TMEM94: variants seen among roughly 807,000 people sequenced by gnomAD.
TMEM94 encodes transmembrane protein 94.
A neutral mutation model predicts 158.6 loss-of-function variants in TMEM94; 81 were observed. The observed-to-expected ratio is 0.51, with a 90% CI of 0.43 to 0.61. The LOEUF is 0.61. TMEM94 is among the 20% of genes least tolerant of loss of function. TMEM94 has a pLI of 0.00. For missense variants in TMEM94, 1,435 were observed against 1,762.0 expected, an observed-to-expected ratio of 0.81 and a Z score of 3.32; for synonymous variants, 751 against 730.7, an observed-to-expected ratio of 1.03 and a Z score of -0.45.
intron 2 of TMEM94, 54 bp downstream of exon 2, chr17:75,471,983 C>A (rs2050518709): frequency 6.3e-7 from 1 of 1,584,548 alleles, no homozygotes; most frequent in South Asian, 1.1e-5. Context: ...CTGTTGAACT[C>A]TTTCCTACTT....
intron 26 of TMEM94, 100 bp downstream of exon 26, chr17:75,497,298 G>T: frequency 2.3e-6 from 2 of 885,662 alleles, no homozygotes; most frequent in Non-Finnish European, 3.7e-6. Context: ...AACTGCTCAG[G>T]TCTCACCTCC....
chr17:75,478,003 C>CTTTT lies in TMEM94; in HGVS notation c.24+6101_24+6104dup, dbSNP rs909668190. Among the ~76,000 whole-genome samples, 21 of 57,918 alleles carry CTTTT rather than the reference C, an allele frequency of 3.6e-4. 3 individuals carry two copies. The highest frequency in any genetic ancestry group is 1.0e-3 in the East Asian group (2 of 1,936). The allele number at this position is 57,918 out of a possible 152,430, so 38.0% of individuals were successfully genotyped here. A position where few individuals can be genotyped will look rare whatever the true frequency, so the allele number is the denominator to read the frequency against. ...CCTGGGCAACAAAGCGAGACTCCAT[C>CTTTT]TTTTTTTTTTTTTTTTTTTTTTTTT... is the stretch of plus-strand genomic sequence containing the variant. On this transcript the variant is annotated intron_variant, in intron 2 of 31. Coordinates refer to ENST00000314256, the MANE Select transcript of TMEM94 (RefSeq NM_014738.6).
intron 11 of TMEM94, 87 bp from the exon 12 acceptor site, chr17:75,490,962 G>T: frequency 8.7e-7 from 1 of 1,152,202 alleles, no homozygotes. Context: ...ACTTCGTGGT[G>T]CTCCCCTGGA....
At chr17:75,463,033 AAAAAATATATATATATATATATAT>A (rs2050139343) in intron 1 of TMEM94, among the ~76,000 whole-genome samples, 1 of 5,214 alleles carries the variant, frequency 1.9e-4, no homozygotes, top group Admixed American at 1.6e-3. Context: ...AAAAAAAAAA[AAAAAATATATATATATATATATAT>A]ATATATATAT....
intron 6 of TMEM94, 152 bp downstream of exon 6, chr17:75,488,286 CT>C (rs1567947364): frequency 9.2e-5 from 65 of 706,698 alleles, no homozygotes; most frequent in Non-Finnish European, 1.2e-4. Context: ...CCCTGCTGTT[CT>C]TTTTTTTGAA....
At chr17:75,470,662 G>A (rs1202620027) in intron 1 of TMEM94, among the ~76,000 whole-genome samples, 2 of 151,258 alleles carry the variant, frequency 1.3e-5, no homozygotes, top group African/African-American at 2.4e-5. Flanking sequence ...CCGAGATCGC[G>A]CCACTGCACT....
rs562886924 is a variant in TMEM94 at position 75,472,029 on chromosome 17, A to C, written c.24+100A>C. 52 of 1,260,598 alleles carry C rather than the reference A, an allele frequency of 4.1e-5. No individual in the cohort carries two copies. The African/African-American group carries it at 6.2e-4, about 15-fold the overall frequency. The allele number at this position is 1,260,598 out of a possible 1,614,324, so 78.1% of individuals were successfully genotyped here. A position where few individuals can be genotyped will look rare whatever the true frequency, so the allele number is the denominator to read the frequency against. ...GGGAGATCCTTAACTGGGGGCTTTA[A>C]ACAAAAGTTGAGAGAGGAGGCAAGG... is the stretch of plus-strand genomic sequence containing the variant. On this transcript the variant is annotated intron_variant, in intron 2 of 31. Transcript: ENST00000314256.
chr17:75,475,342 C>T (rs2050642733), intron 2 of TMEM94, among the ~76,000 whole-genome samples: 1 of 152,198 alleles, frequency 6.6e-6, no homozygotes, highest in South Asian at 2.1e-4. Context: ...GCTTGGGCTG[C>T]TGAGGCTCCT....
intron 1 of TMEM94, among the ~76,000 whole-genome samples, chr17:75,467,393 CTTTA>C (rs59675099): frequency 0.55 from 83,088 of 151,200 alleles, 25,986 homozygotes; most frequent in Non-Finnish European, 0.71. Context: ...AGCTTTGCAC[CTTTA>C]TTTGTTTTAG....
At position 75,498,759 on chromosome 17, in the gene TMEM94, G is replaced by A; in HGVS notation, c.3827+37G>A. ...TAGGATGGAGGGCGGAGTGTGGGCT[G>A]GGGAGGAGAGGGCCTTCTGCAGGGC... is the stretch of plus-strand genomic sequence containing the variant. On this transcript the variant is annotated intron_variant, in intron 30 of 31. Coordinates refer to ENST00000314256, the MANE Select transcript of TMEM94 (RefSeq NM_014738.6). The surrounding 1 kb of genome is among the most constrained non-coding windows in gnomAD (Gnocchi z 6.7). The A allele has an allele frequency of 6.5e-7, 1 of 1,536,148 alleles. No individual in the cohort carries two copies. The highest frequency in any genetic ancestry group is 1.3e-5 in the South Asian group (1 of 78,494).
At chr17:75,484,785 C>T (rs2051450933) in intron 2 of TMEM94, among the ~76,000 whole-genome samples, 1 of 152,002 alleles carries the variant, frequency 6.6e-6, no homozygotes, top group Non-Finnish European at 1.5e-5. Flanking sequence ...GCCAGTCATC[C>T]CAGCACTTTG....
At chr17:75,467,370 C>T (rs2050341214) in intron 1 of TMEM94, among the ~76,000 whole-genome samples, 1 of 141,516 alleles carries the variant, frequency 7.1e-6, no homozygotes, top group Admixed American at 7.1e-5. Flanking sequence ...TGTATTTTGA[C>T]CCTATATCCT....
At chr17:75,469,614 G>C (rs986633368) in intron 1 of TMEM94, among the ~76,000 whole-genome samples, 1 of 150,784 alleles carries the variant, frequency 6.6e-6, no homozygotes, top group African/African-American at 2.4e-5. Flanking sequence ...CAAAGTGCTG[G>C]GATTGCAGGC....
intron 25 of TMEM94, 81 bp from the exon 26 acceptor site, chr17:75,497,032 G>T: frequency 7.7e-7 from 1 of 1,294,596 alleles, no homozygotes. Flanking sequence ...TCTGGGCCCA[G>T]GGCAAGGGAG....
chr17:75,463,116 G>A (rs1312069704), intron 1 of TMEM94, among the ~76,000 whole-genome samples: 2 of 9,230 alleles, frequency 2.2e-4, no homozygotes, highest in East Asian at 2.0e-3. Context: ...GTATATATAT[G>A]TATATATATA....
At chr17:75,466,802 G>C (rs2050321374) in intron 1 of TMEM94, among the ~76,000 whole-genome samples, 1 of 151,098 alleles carries the variant, frequency 6.6e-6, no homozygotes, top group South Asian at 2.1e-4. Flanking sequence ...TGGGCAACAG[G>C]AGTGGGAAAA....
intron 10 of TMEM94, 50 bp from the exon 11 acceptor site, chr17:75,490,652 T>C (rs750087403): frequency 1.4e-4 from 219 of 1,542,242 alleles, no homozygotes; most frequent in Non-Finnish European, 1.9e-4. Flanking sequence ...GAGAGGCCTG[T>C]GTGAAGGCGG....
At position 75,491,679 on chromosome 17, in the gene TMEM94, C is replaced by T; in HGVS notation, c.1387-12C>T. On this transcript the variant is annotated splice_polypyrimidine_tract_variant and intron_variant, in intron 13 of 31. Transcript: ENST00000314256. The surrounding 1 kb of genome is among the most constrained non-coding windows in gnomAD (Gnocchi z 5.1). ...GCCACTGGTCCTAGCCTGTGCTCCT[C>T]ATTCTCTTCAGCCCCATGAACGAGA... is the stretch of plus-strand genomic sequence containing the variant. 1.2e-6 allele frequency: 2 copies of T among 1,613,768 alleles called. No homozygotes were observed. The highest frequency in any genetic ancestry group is 8.5e-7 in the Non-Finnish European group (1 of 1,179,816).
At chr17:75,465,681 T>A (rs7212313) in intron 1 of TMEM94, among the ~76,000 whole-genome samples, 21,500 of 61,020 alleles carry the variant, frequency 0.35, 3,062 homozygotes, top group African/African-American at 0.57. Context: ...ATATATATAT[T>A]TTTTTTTAAT....
Sources: allele counts gnomAD v4.1 joint callset (sites outside exome capture counted in the v4.1 genomes callset), GRCh38; gene constraint gnomAD v4.1.1; non-coding constraint Gnocchi (gnomAD v3.1); transcripts MANE v1.5; gene names NCBI Gene and HGNC (gene_info 2026-07-23, HGNC 2026-07-21).